The following SMOC2 variants were observed in gnomAD, a reference collection of about 807,000 sequenced individuals.
SMOC2 encodes SPARC-related modular calcium-binding protein 2.
Under a neutral mutation model 61.4 loss-of-function variants are expected in SMOC2, and 39 were observed. That is an observed-to-expected ratio of 0.64 (90% CI 0.49 to 0.83). The LOEUF (loss-of-function observed/expected upper bound fraction) is 0.83. Ranked by LOEUF, SMOC2 falls within the 40% of genes least tolerant of loss-of-function variation. The pLI is 0.00. For synonymous variants in SMOC2, 247 were observed against 239.9 expected (o/e 1.03, Z -0.27); for missense variants, 556 against 592.9 (o/e 0.94, Z 0.65).
rs1392762913 is a variant in SMOC2, at chr6:168,622,333, A to G, written c.907+14094A>G. On this transcript the variant is annotated intron_variant, in intron 9 of 12. Transcript: ENST00000356284. ...GAATCTTCTTCCACCATGTGGCTGC[A>G]CAGGAGTATCAGAGCCTGTTCTGGC... 2.6e-5 allele frequency among the ~76,000 whole-genome samples: 4 copies of G among 152,208 alleles called. No individual in the cohort carries two copies. In the East Asian group the frequency reaches 5.8e-4, roughly 22 times the overall value.
intron 1 of SMOC2, among the ~76,000 whole-genome samples, chr6:168,486,526 G>T (rs1419622620): frequency 1.3e-5 from 2 of 151,882 alleles, no homozygotes; most frequent in Non-Finnish European, 1.5e-5. Flanking sequence ...CAGCAGAGAT[G>T]GGAAGTTTGA....
At position 168,543,629 on chromosome 6, in the gene SMOC2, C is replaced by T. The variant is rs377651763; in HGVS notation, c.468C>T (p.Ser156=). 3.2e-5 allele frequency: 52 copies of T among 1,613,214 alleles called. No individual in the cohort carries two copies. The highest frequency in any genetic ancestry group is 3.8e-5 in the Non-Finnish European group (45 of 1,179,566). Residue 156 remains serine (S), a synonymous_variant, in exon 5 of 13, where the codon TCC becomes TCT. Transcript: ENST00000356284. ...VAHKTPRCPG[S]VNEKLPQREG... is the part of the protein sequence containing the mutation. The stretch of plus-strand genomic sequence containing the variant: ...CTCCTTATTTTCCTCTTTTAGGTTC[C>T]GTAAATGAAAAGTTACCCCAACGCG...
intron 1 of SMOC2, among the ~76,000 whole-genome samples, chr6:168,467,006 G>A (rs1270180900): frequency 2.0e-5 from 3 of 152,170 alleles, no homozygotes; most frequent in Non-Finnish European, 2.9e-5. Context: ...GCGGTCGGGC[G>A]AAGGGACAGG....
At chr6:168,596,834 C>T (rs1159240661) in intron 7 of SMOC2, among the ~76,000 whole-genome samples, 3 of 152,222 alleles carry the variant, frequency 2.0e-5, no homozygotes, top group Admixed American at 2.0e-4. Flanking sequence ...GTTTTATGCA[C>T]CTGTGCATTT....
intron 7 of SMOC2, among the ~76,000 whole-genome samples, chr6:168,590,645 T>C (rs1318851970): frequency 3.3e-5 from 5 of 152,232 alleles, no homozygotes; most frequent in Non-Finnish European, 2.9e-5. Flanking sequence ...TGGCCAAATA[T>C]GGAGACTTCA....
intron 7 of SMOC2, among the ~76,000 whole-genome samples, chr6:168,570,564 T>A (rs770529991): frequency 3.3e-5 from 5 of 152,188 alleles, no homozygotes; most frequent in Non-Finnish European, 5.9e-5. Flanking sequence ...TTGAAAAGTG[T>A]TGTCCATCTT....
intron 2 of SMOC2, among the ~76,000 whole-genome samples, 173 bp downstream of exon 2, chr6:168,510,259 CT>C (rs1338792313): frequency 2.0e-5 from 3 of 152,154 alleles, no homozygotes; most frequent in African/African-American, 4.8e-5. Flanking sequence ...TAAGAGCAGT[CT>C]TTTTTTACTT....
intron 1 of SMOC2, among the ~76,000 whole-genome samples, chr6:168,468,207 A>T (rs977508491): frequency 1.3e-5 from 2 of 152,148 alleles, no homozygotes; most frequent in African/African-American, 4.8e-5. Context: ...GCACACATGG[A>T]TTTATATCGA....
At chr6:168,496,990 C>T (rs540564381) in intron 1 of SMOC2, among the ~76,000 whole-genome samples, 3 of 152,382 alleles carry the variant, frequency 2.0e-5, no homozygotes, top group South Asian at 2.1e-4. Flanking sequence ...ATGCGGCCCC[C>T]GGCAAGCATG....
intron 1 of SMOC2, among the ~76,000 whole-genome samples, chr6:168,506,768 C>T (rs1286805351): frequency 6.6e-5 from 10 of 152,184 alleles, no homozygotes; most frequent in Non-Finnish European, 5.9e-5. Context: ...TAAAGTCACT[C>T]GATGTCCAGT....
At chr6:168,599,589 CCA>C (rs201783944) in intron 8 of SMOC2, among the ~76,000 whole-genome samples, 3 of 9,170 alleles carry the variant, frequency 3.3e-4, no homozygotes, top group South Asian at 0.013. Flanking sequence ...CCACACACAC[CCA>C]CACATACCCC....
At chr6:168,543,873 G>T (rs1311094239) in intron 5 of SMOC2, among the ~76,000 whole-genome samples, 1 of 152,122 alleles carries the variant, frequency 6.6e-6, no homozygotes, top group Non-Finnish European at 1.5e-5. Context: ...GGGGTCGCTG[G>T]TGTTGGACCT....
chr6:168,576,611 A>G (rs1583126102), intron 7 of SMOC2, among the ~76,000 whole-genome samples: 1 of 152,070 alleles, frequency 6.6e-6, no homozygotes. Flanking sequence ...ATCACAGGCA[A>G]ACCGGCGGGC....
At position 168,666,625 on chromosome 6, in the gene SMOC2, A is replaced by T. The variant is rs1787669141; in HGVS notation, c.*187A>T. 2 of 655,590 alleles carry T rather than the reference A, an allele frequency of 3.1e-6. No homozygotes were observed. Among genetic ancestry groups the T allele is most frequent in the African/African-American group, 3.7e-5 (2 of 54,646 alleles). 40.6% of individuals were successfully genotyped at this position (655,590 alleles called of 1,614,324 possible). A position where few individuals can be genotyped will look rare whatever the true frequency, so the allele number is the denominator to read the frequency against. On this transcript the variant is annotated 3_prime_UTR_variant, in exon 13 of 13. Transcript: ENST00000356284. ...GTGAAAATGGAGAGCTGGCTTCAGA[A>T]AATTAATCACATACAATGTATGTGT...
intron 9 of SMOC2, among the ~76,000 whole-genome samples, chr6:168,611,646 C>T (rs1583158736): frequency 7.9e-6 from 1 of 126,554 alleles, no homozygotes; most frequent in Non-Finnish European, 1.7e-5. Context: ...CCGTGGCTCC[C>T]GTGTCGGGCC....
intron 1 of SMOC2, among the ~76,000 whole-genome samples, chr6:168,445,308 C>G (rs1781307396): frequency 2.0e-5 from 3 of 152,174 alleles, no homozygotes; most frequent in Non-Finnish European, 1.5e-5. Context: ...CACAGAGGGT[C>G]TGGCACCTGG....
At chr6:168,490,954 C>G (rs1782459005) in intron 1 of SMOC2, among the ~76,000 whole-genome samples, 1 of 152,140 alleles carries the variant, frequency 6.6e-6, no homozygotes, top group Non-Finnish European at 1.5e-5. Context: ...CGGCTGGTCT[C>G]ACTCATTAAA....
intron 7 of SMOC2, among the ~76,000 whole-genome samples, chr6:168,578,518 C>A (rs1002612970): frequency 6.6e-6 from 1 of 152,198 alleles, no homozygotes; most frequent in African/African-American, 2.4e-5. Context: ...CATGCCCTGA[C>A]CTTCCTTGCC....
At chr6:168,545,491 A>T (rs1037655521) in intron 5 of SMOC2, among the ~76,000 whole-genome samples, 2 of 152,200 alleles carry the variant, frequency 1.3e-5, no homozygotes, top group African/African-American at 2.4e-5. Flanking sequence ...GCAGCCACCA[A>T]TGGCCTTGTT....
Sources: allele counts gnomAD v4.1 joint callset (sites outside exome capture counted in the v4.1 genomes callset), GRCh38; gene constraint gnomAD v4.1.1; transcripts MANE v1.5; gene names NCBI Gene and HGNC (gene_info 2026-07-23, HGNC 2026-07-21).